MYO1E: variants seen among roughly 807,000 people sequenced by gnomAD.
MYO1E encodes myosin IE, also known as unconventional myosin-Ie.
A neutral mutation model predicts 151.1 loss-of-function variants in MYO1E; 68 were observed. That is an observed-to-expected ratio of 0.45 (90% CI 0.37 to 0.55). The LOEUF is 0.55. Among genes scored for constraint, MYO1E ranks in the 20% least tolerant of loss-of-function variants. The pLI is 0.00. For missense variants in MYO1E, 1,363 were observed against 1,389.3 expected, an observed-to-expected ratio of 0.98 and a Z score of 0.30; for synonymous variants, 601 against 501.7, an observed-to-expected ratio of 1.20 and a Z score of -2.64.
intron 14 of MYO1E, chr15:59,207,294 C>G: frequency 6.2e-7 from 1 of 1,614,132 alleles, no homozygotes; most frequent in Non-Finnish European, 8.5e-7. Flanking sequence ...AACATGGCAG[C>G]CCTTTCACGA....
At chr15:59,341,019 A>G (rs2080762019) in intron 1 of MYO1E, among the ~76,000 whole-genome samples, 1 of 147,440 alleles carries the variant, frequency 6.8e-6, no homozygotes, top group Non-Finnish European at 1.5e-5. Context: ...TCCATCTCAA[A>G]AAAAAAAAAA....
intron 6 of MYO1E, among the ~76,000 whole-genome samples, chr15:59,231,081 A>T (rs1485507864): frequency 6.6e-6 from 1 of 152,240 alleles, no homozygotes; most frequent in Admixed American, 6.5e-5. Flanking sequence ...CACTTGGTTG[A>T]CATTTTCATT....
At chr15:59,208,142 T>C in intron 14 of MYO1E, 1 of 1,445,726 alleles carries the variant, frequency 6.9e-7, no homozygotes, top group Non-Finnish European at 9.3e-7. Context: ...TACAGGATTA[T>C]ATAACGAAAT....
chr15:59,206,438 A>G (rs78622620), intron 14 of MYO1E, among the ~76,000 whole-genome samples: 12,846 of 152,186 alleles, frequency 0.084, 798 homozygotes, highest in African/African-American at 0.17. Context: ...TCCTTTCAAA[A>G]TAGGCCTCCA....
chr15:59,242,568 G>T (rs554295320), intron 4 of MYO1E, among the ~76,000 whole-genome samples: 1 of 152,184 alleles, frequency 6.6e-6, no homozygotes, highest in African/African-American at 2.4e-5. Context: ...ACTAATAAAT[G>T]TGGAAGGAAT....
intron 18 of MYO1E, among the ~76,000 whole-genome samples, chr15:59,187,410 A>G (rs919431086): frequency 2.0e-5 from 3 of 152,200 alleles, no homozygotes; most frequent in Non-Finnish European, 4.4e-5. Flanking sequence ...CACACTCACT[A>G]GGATGGTTAG....
chr15:59,200,175 C>T lies in MYO1E; in HGVS notation c.1698+2151G>A, dbSNP rs567972593. Among the ~76,000 whole-genome samples, 6 of 152,242 alleles carry T rather than the reference C, an allele frequency of 3.9e-5. No homozygotes were observed. The South Asian group carries it at 1.0e-3, about 26-fold the overall frequency. ...AAAAAGTGTCCCTACCCTTGCTCTC[C>T]TTTTTATAGACAATAATCCAGACCA... On this transcript the variant is annotated intron_variant, in intron 16 of 27. Transcript: ENST00000288235.
At chr15:59,351,772 G>C (rs1022641400) in intron 1 of MYO1E, among the ~76,000 whole-genome samples, 1 of 152,164 alleles carries the variant, frequency 6.6e-6, no homozygotes, top group Non-Finnish European at 1.5e-5. Flanking sequence ...GCAGGGATGG[G>C]AACAACAGAC....
intron 1 of MYO1E, among the ~76,000 whole-genome samples, chr15:59,370,155 G>A (rs569587112): frequency 7.4e-4 from 112 of 152,332 alleles, no homozygotes; most frequent in Non-Finnish European, 1.0e-3. Flanking sequence ...CTAATCTTCA[G>A]CCACACCCAA....
At chr15:59,357,586 G>A (rs1224835042) in intron 1 of MYO1E, among the ~76,000 whole-genome samples, 1 of 76,442 alleles carries the variant, frequency 1.3e-5, no homozygotes, top group East Asian at 4.6e-4. Context: ...CACCACGCCT[G>A]GCTATTTTTG....
chr15:59,295,715 A>G (rs2080444498), intron 1 of MYO1E, among the ~76,000 whole-genome samples: 2 of 152,174 alleles, frequency 1.3e-5, no homozygotes, highest in African/African-American at 4.8e-5. Context: ...AGCAGGTATA[A>G]TTATCTCGGT....
intron 4 of MYO1E, 80 bp from the exon 5 acceptor site, chr15:59,236,752 A>C: frequency 1.7e-6 from 2 of 1,206,146 alleles, no homozygotes; most frequent in Non-Finnish European, 2.4e-6. Flanking sequence ...ATCACACAAA[A>C]CAAACAAACA....
At chr15:59,235,791 A>G (rs2140357434) in intron 5 of MYO1E, among the ~76,000 whole-genome samples, 1 of 152,358 alleles carries the variant, frequency 6.6e-6, no homozygotes, top group East Asian at 1.9e-4. Context: ...CCTACCAGCA[A>G]TGTATGAGAA....
intron 22 of MYO1E, among the ~76,000 whole-genome samples, chr15:59,168,540 G>A (rs1029360611): frequency 4.4e-4 from 67 of 152,004 alleles, no homozygotes; most frequent in African/African-American, 1.5e-3. Flanking sequence ...GTGAGACCCC[G>A]TCTCAAAAAA....
intron 14 of MYO1E, chr15:59,208,294 C>T: frequency 3.5e-6 from 2 of 577,560 alleles, no homozygotes; most frequent in East Asian, 6.2e-5. Flanking sequence ...ATTTTTGGTA[C>T]CTCTGATGTA....
chr15:59,212,344 C>T (rs2079884457), intron 12 of MYO1E, among the ~76,000 whole-genome samples: 1 of 151,932 alleles, frequency 6.6e-6, no homozygotes, highest in Non-Finnish European at 1.5e-5. Context: ...GCAAAACAAC[C>T]AAGGGCAGGT....
chr15:59,154,103 T>C, intron 25 of MYO1E, among the ~76,000 whole-genome samples: 1 of 152,224 alleles, frequency 6.6e-6, no homozygotes, highest in East Asian at 1.9e-4. Flanking sequence ...CAGCACATGC[T>C]TGGTGGCAAT....
chr15:59,349,467 T>C (rs943609699), intron 1 of MYO1E, among the ~76,000 whole-genome samples: 1 of 152,168 alleles, frequency 6.6e-6, no homozygotes, highest in Non-Finnish European at 1.5e-5. Flanking sequence ...CTGAACCCAC[T>C]CTATTCAGAA....
intron 10 of MYO1E, among the ~76,000 whole-genome samples, chr15:59,217,449 G>C (rs1188891488): frequency 7.7e-5 from 11 of 142,202 alleles, no homozygotes; most frequent in African/African-American, 2.8e-4. Flanking sequence ...CAGAGTGAGA[G>C]AAAGTGAAGT....
Sources: gnomAD v4.1 joint callset for allele counts (sites outside exome capture counted in the v4.1 genomes callset) on GRCh38, gnomAD v4.1.1 for gene constraint, MANE v1.5 for transcripts, NCBI Gene and HGNC (gene_info 2026-07-23, HGNC 2026-07-21) for gene names.